CCSER1: variants seen among roughly 807,000 people sequenced by gnomAD.
CCSER1 encodes the protein coiled-coil serine rich protein 1.
In CCSER1, 41 loss-of-function variants were observed where a neutral mutation model predicts 82.0. The ratio of observed to expected loss-of-function variants is 0.50; its 90% CI spans 0.39 to 0.65. The LOEUF (loss-of-function observed/expected upper bound fraction) is 0.65. CCSER1 is among the 30% of genes least tolerant of loss of function. The pLI is 0.00. For synonymous variants in CCSER1, 414 were observed against 383.9 expected (o/e 1.08, Z -0.92); for missense variants, 1,119 against 1,064.2 (o/e 1.05, Z -0.72).
At chr4:90,668,309 T>G (rs540660296) in intron 6 of CCSER1, among the ~76,000 whole-genome samples, 2 of 152,296 alleles carry the variant, frequency 1.3e-5, no homozygotes, top group Non-Finnish European at 2.9e-5. Flanking sequence ...GTCTGTATCT[T>G]TTCTAGCTGT....
intron 7 of CCSER1, among the ~76,000 whole-genome samples, chr4:90,726,434 A>C (rs1016737819): frequency 6.6e-6 from 1 of 152,062 alleles, no homozygotes; most frequent in African/African-American, 2.4e-5. Flanking sequence ...AGATATATTA[A>C]ATTAAGTATG....
chr4:90,596,208 T>C (rs539726169), intron 5 of CCSER1, among the ~76,000 whole-genome samples: 1 of 151,910 alleles, frequency 6.6e-6, no homozygotes, highest in African/African-American at 2.4e-5. Flanking sequence ...AAACATGTGT[T>C]AAACTAAAAA....
At chr4:91,263,866 G>T (rs1296329452) in intron 10 of CCSER1, among the ~76,000 whole-genome samples, 1 of 151,648 alleles carries the variant, frequency 6.6e-6, no homozygotes, top group African/African-American at 2.4e-5. Flanking sequence ...TTTTTGCTTT[G>T]CCATAATATG....
chr4:91,067,038 G>A (rs2148755116), intron 9 of CCSER1, among the ~76,000 whole-genome samples: 1 of 152,198 alleles, frequency 6.6e-6, no homozygotes, highest in African/African-American at 2.4e-5. Flanking sequence ...GGTGGCAGGT[G>A]CCTGTAGTCC....
chr4:91,141,348 CA>C (rs1729009987), intron 10 of CCSER1, among the ~76,000 whole-genome samples: 1 of 152,128 alleles, frequency 6.6e-6, no homozygotes. Flanking sequence ...GACTGGTTTT[CA>C]CCATGTTGGC....
At chr4:90,568,846 C>A (rs112510228) in intron 5 of CCSER1, among the ~76,000 whole-genome samples, 1 of 151,486 alleles carries the variant, frequency 6.6e-6, no homozygotes, top group African/African-American at 2.4e-5. Flanking sequence ...CGGCTCACTG[C>A]AACCTCTGTC....
chr4:90,161,452 G>C (rs1729424422), intron 1 of CCSER1, among the ~76,000 whole-genome samples: 1 of 152,048 alleles, frequency 6.6e-6, no homozygotes, highest in African/African-American at 2.4e-5. Context: ...TGTATTAGCT[G>C]TTGGCATTTT....
At chr4:90,451,397 T>A (rs1053850001) in intron 4 of CCSER1, among the ~76,000 whole-genome samples, 2 of 152,156 alleles carry the variant, frequency 1.3e-5, no homozygotes, top group African/African-American at 4.8e-5. Flanking sequence ...ATCCTTTGGG[T>A]TCCAGGGGGA....
chr4:91,102,084 G>A (rs904425263), intron 10 of CCSER1, among the ~76,000 whole-genome samples: 43 of 152,278 alleles, frequency 2.8e-4, no homozygotes, highest in South Asian at 4.1e-4. Flanking sequence ...AGAGGAGCTC[G>A]TGCAGATCGG....
intron 6 of CCSER1, among the ~76,000 whole-genome samples, chr4:90,723,143 A>G (rs1342741182): frequency 6.6e-6 from 1 of 152,010 alleles, no homozygotes; most frequent in Non-Finnish European, 1.5e-5. Context: ...TTAAGAATAT[A>G]ATAAAATGAC....
chr4:90,655,834 A>G (rs1224577548), intron 6 of CCSER1, among the ~76,000 whole-genome samples: 4 of 151,984 alleles, frequency 2.6e-5, no homozygotes, highest in African/African-American at 9.7e-5. Context: ...ATCTTATATT[A>G]TCTGACAAAC....
At chr4:90,517,668 C>T (rs569184821) in intron 5 of CCSER1, among the ~76,000 whole-genome samples, 18 of 152,106 alleles carry the variant, frequency 1.2e-4, no homozygotes, top group Admixed American at 9.8e-4. Context: ...ATCATTTAAG[C>T]TAAGAGTGCA....
At chr4:91,513,239 A>G (rs564809836) in intron 10 of CCSER1, among the ~76,000 whole-genome samples, 1 of 152,180 alleles carries the variant, frequency 6.6e-6, no homozygotes, top group Admixed American at 6.6e-5. Flanking sequence ...TTTTAATTTT[A>G]GTTTTTAATT....
At chr4:91,180,039 C>T (rs1391488987) in intron 10 of CCSER1, among the ~76,000 whole-genome samples, 10 of 152,172 alleles carry the variant, frequency 6.6e-5, no homozygotes. Context: ...GTCAGGATCC[C>T]CAGCTGCAGG....
chr4:90,994,260 C>T (rs1581280564), intron 9 of CCSER1, among the ~76,000 whole-genome samples: 1 of 152,020 alleles, frequency 6.6e-6, no homozygotes, highest in Admixed American at 6.6e-5. Flanking sequence ...ACCTAAGCTA[C>T]CAAACATCAT....
chr4:90,454,599 T>C (rs1303228167), intron 4 of CCSER1, among the ~76,000 whole-genome samples: 3 of 152,170 alleles, frequency 2.0e-5, no homozygotes, highest in Non-Finnish European at 2.9e-5. Context: ...CATTTCATCA[T>C]TGATGTCCCA....
chr4:91,489,041 T>G (rs771946556), intron 10 of CCSER1, among the ~76,000 whole-genome samples: 2 of 152,186 alleles, frequency 1.3e-5, no homozygotes, highest in Non-Finnish European at 2.9e-5. Flanking sequence ...ATGGTTACAT[T>G]TACATAGCGA....
Position 91,363,357 on chromosome 4 carries a change from T to TGTGTG in CCSER1, c.2218-235215_2218-235214insGTGTG, listed in dbSNP as rs370818925. On this transcript the variant is annotated intron_variant, in intron 10 of 10. Coordinates refer to ENST00000509176, the MANE Select transcript of CCSER1 (RefSeq NM_001145065.2). Reference sequence around the variant, plus strand: ...GATTGAAGCATAGGATGGAGATATTTTGTGTGTGTGTGTGTGTGTGTGTGT... The same window carrying TGTGTG: ...GATTGAAGCATAGGATGGAGATATTTGTGTGTGTGTGTGTGTGTGTGTGTGTGTGT... 1.7e-3 allele frequency among the ~76,000 whole-genome samples: 238 copies of TGTGTG among 139,598 alleles called. 1 individual carries two copies. The highest frequency in any genetic ancestry group is 6.7e-3 in the African/African-American group (221 of 32,828). The allele number at this position is 139,598 out of a possible 152,430, so 91.6% of individuals were successfully genotyped here. A position where few individuals can be genotyped will look rare whatever the true frequency, so the allele number is the denominator to read the frequency against.
intron 1 of CCSER1, among the ~76,000 whole-genome samples, chr4:90,283,967 C>G (rs975078733): frequency 6.6e-6 from 1 of 152,018 alleles, no homozygotes; most frequent in African/African-American, 2.4e-5. Flanking sequence ...TCCCCTTTCT[C>G]CACATCCTCA....
Sources: gnomAD v4.1 joint callset for allele counts (sites outside exome capture counted in the v4.1 genomes callset) on GRCh38, gnomAD v4.1.1 for gene constraint, MANE v1.5 for transcripts, NCBI Gene and HGNC (gene_info 2026-07-23, HGNC 2026-07-21) for gene names.